CSMD1: variants seen among roughly 807,000 people sequenced by gnomAD.
The protein encoded by CSMD1 is CUB and sushi domain-containing protein 1.
CSMD1 carries 213 observed loss-of-function variants against 417.5 expected under a neutral mutation model. The ratio of observed to expected loss-of-function variants is 0.51; its 90% CI spans 0.46 to 0.57. The LOEUF is 0.57. Ranked by LOEUF, CSMD1 falls within the 20% of genes least tolerant of loss-of-function variation. The probability of loss-of-function intolerance (pLI) is 0.00; values close to 1 mark genes in which losing one functional copy is unlikely to be tolerated. For synonymous variants in CSMD1, 2,862 were observed against 1,736.8 expected (o/e 1.65, Z -16.11); for missense variants, 6,923 against 4,529.7 (o/e 1.53, Z -15.17).
Position 2,938,353 on chromosome 8 carries a change from C to T in CSMD1, c.*232G>A, listed in dbSNP as rs1801638082. 2.2e-6 allele frequency: 1 copy of T among 456,868 alleles called. No individual in the cohort carries two copies. Among genetic ancestry groups the T allele is most frequent in the Non-Finnish European group, 3.9e-6 (1 of 259,410 alleles). The allele number at this position is 456,868 out of a possible 1,614,324, so 28.3% of individuals were successfully genotyped here. On this transcript the variant is annotated 3_prime_UTR_variant, in exon 70 of 70. Transcript: ENST00000635120. ...AGTGTGCCTTGATTTCATACAGATG[C>T]AGCCAGGCATTTAGAACCCACTTTT...
chr8:3,873,160 C>A lies in CSMD1; in HGVS notation c.819-119118G>T, dbSNP rs149440740. 2.6e-5 allele frequency among the ~76,000 whole-genome samples: 4 copies of A among 151,934 alleles called. No homozygotes were observed. The South Asian group carries it at 8.3e-4, about 32-fold the overall frequency. The stretch of plus-strand genomic sequence containing the variant: ...ACTAGTATGATGATTCCTCAAAGAC[C>A]TAAAAACAGAACTACCATTCAAGCC... On this transcript the variant is annotated intron_variant, in intron 5 of 69. Transcript: ENST00000635120.
At chr8:4,745,354 T>C (rs1810883862) in intron 1 of CSMD1, among the ~76,000 whole-genome samples, 2 of 152,174 alleles carry the variant, frequency 1.3e-5, no homozygotes, top group South Asian at 4.1e-4. Context: ...TACAGTTTAG[T>C]TACAAATGAT....
At chr8:3,382,158 C>G (rs970223242) in intron 18 of CSMD1, among the ~76,000 whole-genome samples, 2 of 151,866 alleles carry the variant, frequency 1.3e-5, no homozygotes, top group Admixed American at 1.3e-4. Context: ...GCTCGGGAGG[C>G]TGAGGCAGGG....
chr8:3,572,574 C>G (rs539539255), intron 10 of CSMD1, among the ~76,000 whole-genome samples: 4 of 152,268 alleles, frequency 2.6e-5, no homozygotes, highest in South Asian at 4.1e-4. Context: ...CTAAACCATT[C>G]CCTTGATTTG....
At chr8:4,755,659 T>C (rs1563302635) in intron 1 of CSMD1, among the ~76,000 whole-genome samples, 1 of 152,232 alleles carries the variant, frequency 6.6e-6, no homozygotes, top group Non-Finnish European at 1.5e-5. Flanking sequence ...CATCTGTCAA[T>C]GGCATTATTA....
At chr8:4,259,912 GTATAATACTACAAAATTA>G (rs1380292354) in intron 3 of CSMD1, among the ~76,000 whole-genome samples, 6 of 152,136 alleles carry the variant, frequency 3.9e-5, no homozygotes, top group African/African-American at 1.4e-4. Flanking sequence ...CTCTTCTGTT[GTATAATACTACAAAATTA>G]TATCCATTTT....
chr8:4,240,021 G>A (rs748727179), intron 3 of CSMD1, among the ~76,000 whole-genome samples: 3 of 152,162 alleles, frequency 2.0e-5, no homozygotes, highest in African/African-American at 7.2e-5. Context: ...TTTTCAAGAA[G>A]TCCCACATAT....
At chr8:3,628,884 T>C (rs1489752025) in intron 7 of CSMD1, among the ~76,000 whole-genome samples, 1 of 149,102 alleles carries the variant, frequency 6.7e-6, no homozygotes, top group Admixed American at 6.7e-5. Flanking sequence ...TTAAAAAGAT[T>C]ATTCAAAACG....
chr8:3,279,436 T>G (rs1013979076), intron 26 of CSMD1, among the ~76,000 whole-genome samples: 1 of 152,228 alleles, frequency 6.6e-6, no homozygotes, highest in Non-Finnish European at 1.5e-5. Flanking sequence ...TTTACAGCCC[T>G]GATTGTAGTA....
At chr8:4,176,184 G>A (rs934956317) in intron 3 of CSMD1, among the ~76,000 whole-genome samples, 1 of 151,998 alleles carries the variant, frequency 6.6e-6, no homozygotes, top group Admixed American at 6.5e-5. Context: ...AAGCCCTGCA[G>A]AACCACATCC....
At chr8:3,267,427 G>C (rs1167197644) in intron 26 of CSMD1, among the ~76,000 whole-genome samples, 3 of 152,226 alleles carry the variant, frequency 2.0e-5, no homozygotes, top group African/African-American at 7.2e-5. Flanking sequence ...GATGATGGCA[G>C]TTGAGCAGTT....
chr8:4,158,222 G>A (rs1219970767), intron 3 of CSMD1, among the ~76,000 whole-genome samples: 2 of 151,276 alleles, frequency 1.3e-5, no homozygotes, highest in Non-Finnish European at 2.9e-5. Context: ...TGGCACCATT[G>A]ATGCTAGGAC....
At chr8:3,326,648 C>T (rs1239954448) in intron 23 of CSMD1, among the ~76,000 whole-genome samples, 33 of 152,132 alleles carry the variant, frequency 2.2e-4, no homozygotes, top group Admixed American at 2.1e-3. Flanking sequence ...GGATGTCTTC[C>T]CTCCTTGTAA....
At chr8:4,758,657 A>C (rs1026624824) in intron 1 of CSMD1, among the ~76,000 whole-genome samples, 1 of 152,178 alleles carries the variant, frequency 6.6e-6, no homozygotes, top group African/African-American at 2.4e-5. Context: ...GGAAACTTAC[A>C]ATCATGGCAA....
chr8:4,680,620 G>A (rs965641436), intron 1 of CSMD1, among the ~76,000 whole-genome samples: 1 of 152,010 alleles, frequency 6.6e-6, no homozygotes, highest in Non-Finnish European at 1.5e-5. Context: ...TTCCTCTGTT[G>A]CCAGGCTGGA....
intron 5 of CSMD1, among the ~76,000 whole-genome samples, chr8:3,936,911 T>G (rs906152093): frequency 2.0e-5 from 3 of 152,150 alleles, no homozygotes; most frequent in African/African-American, 7.2e-5. Context: ...TCCAATGATA[T>G]TAAGAATGTT....
At chr8:3,796,547 C>T (rs143356013) in intron 5 of CSMD1, among the ~76,000 whole-genome samples, 9,480 of 140,468 alleles carry the variant, frequency 0.067, 720 homozygotes, top group African/African-American at 0.19. Flanking sequence ...TATCTATATC[C>T]ATACATGATA....
intron 26 of CSMD1, among the ~76,000 whole-genome samples, chr8:3,239,328 A>T (rs759367981): frequency 7.2e-5 from 11 of 152,150 alleles, no homozygotes; most frequent in Admixed American, 2.6e-4. Context: ...CCAAACCGAG[A>T]AATTATGTCT....
At chr8:3,019,299 T>G (rs1585161764) in intron 51 of CSMD1, among the ~76,000 whole-genome samples, 1 of 152,314 alleles carries the variant, frequency 6.6e-6, no homozygotes, top group Admixed American at 6.5e-5. Flanking sequence ...AAAGTATAAA[T>G]GCAGAAGCGT....
Sources: gnomAD v4.1 joint callset for allele counts (sites outside exome capture counted in the v4.1 genomes callset) on GRCh38, gnomAD v4.1.1 for gene constraint, MANE v1.5 for transcripts, NCBI Gene and HGNC (gene_info 2026-07-23, HGNC 2026-07-21) for gene names.